Variants in ARL8B observed in about 807,000 individuals in gnomAD.
ARL8B encodes the protein ARF like GTPase 8B.
Under a neutral mutation model 30.6 loss-of-function variants are expected in ARL8B, and 9 were observed. The ratio of observed to expected loss-of-function variants is 0.29; its 90% confidence interval spans 0.18 to 0.51. The LOEUF (loss-of-function observed/expected upper bound fraction) is 0.51, where lower values mean the gene tolerates loss of function less well. Among genes scored for constraint, ARL8B ranks in the 20% least tolerant of loss-of-function variants. The probability of loss-of-function intolerance (pLI) is 0.97; values close to 1 mark genes in which losing one functional copy is unlikely to be tolerated. For synonymous variants in ARL8B, 74 were observed against 76.0 expected, an observed-to-expected ratio of 0.97 and a Z score of 0.14; for missense variants, 130 against 227.2, an observed-to-expected ratio of 0.57 and a Z score of 2.75.
At chr3:5,128,162 CAAA>C (rs35084667) in intron 1 of ARL8B, among the ~76,000 whole-genome samples, 5 of 53,146 alleles carry the variant, frequency 9.4e-5, no homozygotes, top group Non-Finnish European at 1.3e-4. Context: ...AAATCCGTCT[CAAA>C]AAAAAAAAAA....
At chr3:5,151,076 A>G (rs976343452) in intron 1 of ARL8B, among the ~76,000 whole-genome samples, 1 of 151,358 alleles carries the variant, frequency 6.6e-6, no homozygotes, top group Non-Finnish European at 1.5e-5. Flanking sequence ...ATTTTTATTT[A>G]TTTTCCTTTG....
At chr3:5,137,817 G>C (rs913134768) in intron 1 of ARL8B, among the ~76,000 whole-genome samples, 1 of 151,906 alleles carries the variant, frequency 6.6e-6, no homozygotes, top group African/African-American at 2.4e-5. Flanking sequence ...TCAAACTCCC[G>C]GCCTCAAGTA....
intron 6 of ARL8B, 65 bp downstream of exon 6, chr3:5,174,479 C>A (rs1272460486): frequency 7.5e-6 from 8 of 1,062,678 alleles, no homozygotes; most frequent in Non-Finnish European, 1.2e-5. Context: ...ATGCTTCTTA[C>A]AGCTTATTGT....
chr3:5,140,009 C>T (rs1259415726), intron 1 of ARL8B, among the ~76,000 whole-genome samples: 3 of 129,908 alleles, frequency 2.3e-5, no homozygotes, highest in East Asian at 2.2e-4. Flanking sequence ...TTTTTTGAGA[C>T]GGAGTCTTGC....
chr3:5,176,457 C>G (rs1308964248), intron 6 of ARL8B, among the ~76,000 whole-genome samples: 2 of 152,154 alleles, frequency 1.3e-5, no homozygotes, highest in Non-Finnish European at 2.9e-5. Flanking sequence ...TCTTGAACTC[C>G]TGACCTCAGG....
chr3:5,147,354 C>A (rs1315143081), intron 1 of ARL8B, among the ~76,000 whole-genome samples: 1 of 152,190 alleles, frequency 6.6e-6, no homozygotes, highest in Non-Finnish European at 1.5e-5. Context: ...ATGAACTCAT[C>A]CTTTTTTATG....
chr3:5,171,150 T>C (rs1046053939), intron 2 of ARL8B, among the ~76,000 whole-genome samples: 2 of 152,210 alleles, frequency 1.3e-5, no homozygotes, highest in Non-Finnish European at 2.9e-5. Flanking sequence ...CTGTGGCTCA[T>C]CTAATGAAGT....
chr3:5,149,492 G>A (rs1034187901), intron 1 of ARL8B, among the ~76,000 whole-genome samples: 2 of 151,920 alleles, frequency 1.3e-5, no homozygotes, highest in African/African-American at 2.4e-5. Context: ...ACCTGGGGCA[G>A]TTACGACAGG....
intron 1 of ARL8B, among the ~76,000 whole-genome samples, chr3:5,156,515 C>G (rs558898344): frequency 1.3e-5 from 2 of 152,196 alleles, no homozygotes; most frequent in Admixed American, 1.3e-4. Context: ...CTCCCAAGTT[C>G]AAGCGATACT....
At chr3:5,162,701 A>G (rs1244479996) in intron 1 of ARL8B, among the ~76,000 whole-genome samples, 2 of 152,184 alleles carry the variant, frequency 1.3e-5, no homozygotes, top group Non-Finnish European at 2.9e-5. Context: ...AGAAACAAAA[A>G]TAAATCCATT....
At position 5,130,155 on chromosome 3, in the gene ARL8B, C is replaced by G. The variant is rs896635060; in HGVS notation, c.123+7567C>G. On this transcript the variant is annotated intron_variant, in intron 1 of 6. Coordinates refer to ENST00000256496, the MANE Select transcript of ARL8B (RefSeq NM_018184.3). ...CTGGGATTACAGGCGTGAGCCACTG[C>G]ACCTGACCAAGGTCATATTCTCTTA... 2.6e-5 allele frequency among the ~76,000 whole-genome samples: 4 copies of G among 152,056 alleles called. No individual in the cohort carries two copies. In the East Asian group the frequency reaches 7.7e-4, roughly 29 times the overall value.
Position 5,172,664 on chromosome 3 carries a change from C to T in ARL8B, c.296C>T (p.Ala99Val), listed in dbSNP as rs1575575269. Residue 99 changes from alanine to valine, a missense_variant, in exon 4 of 7, where the codon GCA becomes GTA. Physicochemically the swap from Ala to Val is moderately conservative, Grantham distance 64. Coordinates refer to ENST00000256496, the MANE Select transcript of ARL8B (RefSeq NM_018184.3). ...TTTTTAAGTTACATGATAGATGCTGCAGATCGTGAAAAGATAGAAGCTTCC... is the reference window on the plus strand; with the variant it reads ...TTTTTAAGTTACATGATAGATGCTGTAGATCGTGAAAAGATAGAAGCTTCC... ...VNAIVYMIDA[A>V]DREKIEASRN... 4.3e-6 allele frequency: 7 copies of T among 1,611,606 alleles called. No individual in the cohort carries two copies. The highest frequency in any genetic ancestry group is 5.9e-6 in the Non-Finnish European group (7 of 1,178,490).
At chr3:5,178,339 A>G (rs958069454) in intron 6 of ARL8B, among the ~76,000 whole-genome samples, 88 of 144,192 alleles carry the variant, frequency 6.1e-4, no homozygotes, top group Non-Finnish European at 5.0e-4. Flanking sequence ...GAGGGCAAAC[A>G]GGGGTTATTC....
At position 5,179,021 on chromosome 3, in the gene ARL8B, T is replaced by G. The variant is rs2054754710; in HGVS notation, c.*308T>G. ...TATGACCATCTTAAATCAAGAAAAT[T>G]GCATATTTCCATTCTGGTCTTTCTG... is the stretch of plus-strand genomic sequence containing the variant. On this transcript the variant is annotated 3_prime_UTR_variant, in exon 7 of 7. Coordinates refer to ENST00000256496, the MANE Select transcript of ARL8B (RefSeq NM_018184.3). The G allele has an allele frequency of 4.5e-6, 1 of 224,488 alleles. No homozygotes were observed. The highest frequency in any genetic ancestry group is 1.5e-4 in the South Asian group (1 of 6,888). The allele number at this position is 224,488 out of a possible 1,614,324, so 13.9% of individuals were successfully genotyped here. A position where few individuals can be genotyped will look rare whatever the true frequency, so the allele number is the denominator to read the frequency against.
intron 1 of ARL8B, chr3:5,157,712 T>A (rs1429090596): frequency 1.3e-5 from 2 of 152,266 alleles, no homozygotes; most frequent in African/African-American, 4.8e-5. Context: ...TCTCCCACTC[T>A]GTATTCCTCA....
intron 1 of ARL8B, among the ~76,000 whole-genome samples, chr3:5,160,361 A>G (rs536490795): frequency 1.3e-5 from 2 of 152,346 alleles, no homozygotes; most frequent in South Asian, 4.1e-4. Context: ...TTTTTTGGAT[A>G]TGGATTTAGT....
chr3:5,140,494 G>A (rs1053644640), intron 1 of ARL8B, among the ~76,000 whole-genome samples: 8 of 151,522 alleles, frequency 5.3e-5, no homozygotes, highest in South Asian at 4.2e-4. Flanking sequence ...TCTTTCCTTT[G>A]TAAATTACCA....
At chr3:5,124,587 C>T (rs1214721181) in intron 1 of ARL8B, among the ~76,000 whole-genome samples, 1 of 152,078 alleles carries the variant, frequency 6.6e-6, no homozygotes, top group Admixed American at 6.5e-5. Context: ...CTGTCTCAGC[C>T]TCCCAAGTAG....
At chr3:5,140,065 T>C (rs2054358955) in intron 1 of ARL8B, among the ~76,000 whole-genome samples, 4 of 151,118 alleles carry the variant, frequency 2.6e-5, no homozygotes, top group Admixed American at 2.6e-4. Context: ...CTGCTCACTG[T>C]AAGCTCTGCC....
Sources: allele counts gnomAD v4.1 joint callset (sites outside exome capture counted in the v4.1 genomes callset), GRCh38; gene constraint gnomAD v4.1.1; transcripts MANE v1.5; gene names NCBI Gene and HGNC (gene_info 2026-07-23, HGNC 2026-07-21).